TRPM3: variants seen among roughly 807,000 people sequenced by gnomAD.
TRPM3 encodes the protein transient receptor potential cation channel subfamily M member 3, also known as long transient receptor potential channel 3.
TRPM3 carries 77 observed loss-of-function variants against 181.2 expected under a neutral mutation model. The ratio of observed to expected loss-of-function variants is 0.42; its 90% confidence interval spans 0.35 to 0.51. The LOEUF (loss-of-function observed/expected upper bound fraction) is 0.51, where lower values mean the gene tolerates loss of function less well. Among genes scored for constraint, TRPM3 ranks in the 20% least tolerant of loss-of-function variants. TRPM3 has a pLI of 0.01. For missense variants in TRPM3, 1,759 were observed against 2,196.7 expected (o/e 0.80, Z 3.98); for synonymous variants, 745 against 796.4 (o/e 0.94, Z 1.09).
At chr9:70,996,205 C>T (rs77909358) in intron 1 of TRPM3, among the ~76,000 whole-genome samples, 2,225 of 152,168 alleles carry the variant, frequency 0.015, 41 homozygotes, top group African/African-American at 0.051. Flanking sequence ...ATTTATAGAA[C>T]CAGAATTCTG....
chr9:70,680,900 T>G (rs1164086612), intron 9 of TRPM3, among the ~76,000 whole-genome samples: 1 of 152,188 alleles, frequency 6.6e-6, no homozygotes, highest in Admixed American at 6.5e-5. Context: ...AGATGAGGAC[T>G]TTGTAGTATT....
At chr9:70,827,693 C>G in intron 6 of TRPM3, 154 bp downstream of exon 6, 17 of 862,434 alleles carry the variant, frequency 2.0e-5, no homozygotes, top group Non-Finnish European at 2.4e-5. Context: ...CTCTGGATGG[C>G]TTCCTCTCAT....
chr9:71,306,985 T>C (rs1297944762), intron 1 of TRPM3, among the ~76,000 whole-genome samples: 2 of 152,238 alleles, frequency 1.3e-5, no homozygotes, highest in Non-Finnish European at 2.9e-5. Flanking sequence ...CTACAAAACT[T>C]AACACTTCAT....
rs756193765 is a variant in TRPM3, at chr9:70,591,114, T to C, written c.3140A>G (p.Glu1047Gly). Residue 1047 changes from glutamate to glycine, a missense_variant, in exon 22 of 26, where the codon GAG becomes GGG. By Grantham distance (98) the Glu-to-Gly change is moderately conservative (BLOSUM62 -2). Transcript: ENST00000677713. ...ARQAILFPNE[E>G]PSWKLAKNIF... ...GTTCTTGGCCAGTTTCCATGATGGCTCCTCATTGGGAAAAAGGATGGCTTG... is the reference window on the plus strand; with the variant it reads ...GTTCTTGGCCAGTTTCCATGATGGCCCCTCATTGGGAAAAAGGATGGCTTG... 1.9e-6 allele frequency: 3 copies of C among 1,614,038 alleles called. No homozygotes were observed. In the African/African-American group the frequency reaches 4.0e-5, roughly 22 times the overall value.
chr9:71,061,948 A>G (rs1226309879), intron 1 of TRPM3, among the ~76,000 whole-genome samples: 2 of 151,878 alleles, frequency 1.3e-5, no homozygotes, highest in Non-Finnish European at 2.9e-5. Flanking sequence ...GACCCCAATG[A>G]CCTAAAAGCC....
chr9:70,587,152 G>A lies in TRPM3; in HGVS notation c.3223+3879C>T, dbSNP rs80342628. ...GAAAAAAAAGTAACCCAGGCATTAA[G>A]TAGATTGGATAGCTAATTTGGAGTG... On this transcript the variant is annotated intron_variant, in intron 22 of 25. Coordinates refer to ENST00000677713, the MANE Select transcript of TRPM3 (RefSeq NM_001366145.2). Among the ~76,000 whole-genome samples the A allele has an allele frequency of 5.3e-3, 805 of 152,306 alleles. 8 individuals carry two copies. Among genetic ancestry groups the A allele is most frequent in the African/African-American group, 0.018 (750 of 41,566 alleles).
intron 1 of TRPM3, among the ~76,000 whole-genome samples, chr9:71,082,630 A>G (rs940295045): frequency 2.6e-5 from 4 of 152,194 alleles, no homozygotes; most frequent in African/African-American, 9.7e-5. Context: ...CATAAGATGC[A>G]TTCTATTCTA....
rs533248718 is a variant in TRPM3 at position 71,217,092 on chromosome 9, A to G, written c.183+229561T>C. ...CAGCCTCCCGAGTAGCTGGGACTAC[A>G]GGCGCCCGCTACCACGCCCGGCTAA... On this transcript the variant is annotated intron_variant, in intron 1 of 24. Transcript: ENST00000357533. 3.2e-3 allele frequency among the ~76,000 whole-genome samples: 477 copies of G among 150,674 alleles called. 7 individuals are homozygous for G. Among genetic ancestry groups the G allele is most frequent in the African/African-American group, 0.011 (460 of 41,006 alleles).
At chr9:70,827,279 T>C (rs1320586287) in intron 6 of TRPM3, 2 of 151,448 alleles carry the variant, frequency 1.3e-5, no homozygotes, top group Non-Finnish European at 3.0e-5. Context: ...ATTCTTTTGC[T>C]TTTCTGTTTA....
At chr9:71,352,798 C>A (rs1473992934) in intron 1 of TRPM3, among the ~76,000 whole-genome samples, 1 of 152,102 alleles carries the variant, frequency 6.6e-6, no homozygotes, top group African/African-American at 2.4e-5. Flanking sequence ...TCAGGCACCA[C>A]CAAAACCAAA....
At chr9:70,995,133 T>A (rs1254997671) in intron 1 of TRPM3, among the ~76,000 whole-genome samples, 1 of 152,152 alleles carries the variant, frequency 6.6e-6, no homozygotes, top group Non-Finnish European at 1.5e-5. Flanking sequence ...CTCATCAGCA[T>A]TTTCTTGCCT....
At chr9:70,977,141 ATTT>A (rs916412242) in intron 1 of TRPM3, among the ~76,000 whole-genome samples, 1 of 151,036 alleles carries the variant, frequency 6.6e-6, no homozygotes, top group African/African-American at 2.4e-5. Context: ...TTATTTATTT[ATTT>A]TTTTTTTTGA....
chr9:70,968,285 C>T (rs956103855), intron 1 of TRPM3, among the ~76,000 whole-genome samples: 5 of 152,076 alleles, frequency 3.3e-5, no homozygotes, highest in Non-Finnish European at 5.9e-5. Context: ...AGATATGTCC[C>T]TACAATGGGC....
intron 1 of TRPM3, among the ~76,000 whole-genome samples, chr9:71,294,384 G>T (rs1027483752): frequency 6.6e-6 from 1 of 151,980 alleles, no homozygotes; most frequent in African/African-American, 2.4e-5. Context: ...AGACTCTTTA[G>T]TAAGCAAGGA....
At chr9:71,318,006 T>C (rs1196044853) in intron 1 of TRPM3, among the ~76,000 whole-genome samples, 1 of 152,122 alleles carries the variant, frequency 6.6e-6, no homozygotes, top group Non-Finnish European at 1.5e-5. Flanking sequence ...TCCCAGCATT[T>C]TGAAAGGCCA....
chr9:70,841,049 A>G (rs2094595269), intron 5 of TRPM3, among the ~76,000 whole-genome samples: 1 of 152,194 alleles, frequency 6.6e-6, no homozygotes, highest in Admixed American at 6.5e-5. Context: ...AATATGCATT[A>G]TTAAATGATT....
chr9:70,971,273 G>A (rs562423539), intron 1 of TRPM3, among the ~76,000 whole-genome samples: 167 of 152,182 alleles, frequency 1.1e-3, no homozygotes, highest in Non-Finnish European at 1.8e-3. Context: ...CCCTCACACT[G>A]AGCTAACCTA....
At chr9:71,328,707 A>C (rs1490066629) in intron 1 of TRPM3, among the ~76,000 whole-genome samples, 1 of 152,214 alleles carries the variant, frequency 6.6e-6, no homozygotes, top group African/African-American at 2.4e-5. Context: ...ACCTGTAACA[A>C]AACAATCGCT....
chr9:70,817,127 A>C (rs1373830939), intron 6 of TRPM3, among the ~76,000 whole-genome samples: 2 of 152,130 alleles, frequency 1.3e-5, no homozygotes, highest in East Asian at 3.9e-4. Flanking sequence ...TTTCCTTCAT[A>C]CTGATAGGAT....
Sources: allele counts gnomAD v4.1 joint callset (sites outside exome capture counted in the v4.1 genomes callset), GRCh38; gene constraint gnomAD v4.1.1; transcripts MANE v1.5; gene names NCBI Gene and HGNC (gene_info 2026-07-23, HGNC 2026-07-21).